Variants in NAV3 observed in about 807,000 individuals in gnomAD.
The protein encoded by NAV3 is pore membrane and/or filament interacting like protein 1.
In NAV3, 87 loss-of-function variants were observed where a neutral mutation model predicts 244.7. The ratio of observed to expected loss-of-function variants is 0.36; its 90% CI spans 0.30 to 0.42. The LOEUF (loss-of-function observed/expected upper bound fraction) is 0.42. Ranked by LOEUF, NAV3 falls within the 20% of genes least tolerant of loss-of-function variation. NAV3 has a pLI of 1.00. For missense variants in NAV3, 2,663 were observed against 2,893.3 expected, an observed-to-expected ratio of 0.92 and a Z score of 1.83; for synonymous variants, 1,126 against 1,042.2, an observed-to-expected ratio of 1.08 and a Z score of -1.55.
At chr12:77,874,688 G>T (rs1206519167) in intron 1 of NAV3, among the ~76,000 whole-genome samples, 1 of 151,988 alleles carries the variant, frequency 6.6e-6, no homozygotes, top group East Asian at 1.9e-4. Context: ...CTCAGAATGG[G>T]TTTATATATT....
At chr12:78,130,238 A>C (rs888345644) in intron 18 of NAV3, 3 of 154,540 alleles carry the variant, frequency 1.9e-5, no homozygotes, top group African/African-American at 7.2e-5. Context: ...CAGGTTTCTA[A>C]CTCCTTAGGG....
chr12:78,057,593 G>C (rs930120303), intron 11 of NAV3, among the ~76,000 whole-genome samples: 12 of 152,170 alleles, frequency 7.9e-5, no homozygotes, highest in African/African-American at 2.7e-4. Flanking sequence ...TATTTTTAAA[G>C]ATAGTATTTA....
upstream of NAV3, among the ~76,000 whole-genome samples, chr12:77,829,846 G>A (rs757166280): frequency 4.6e-5 from 7 of 152,046 alleles, no homozygotes; most frequent in Non-Finnish European, 7.4e-5. Flanking sequence ...GGAAACAGTA[G>A]GCCAAAGATG....
At chr12:77,693,811 T>C (rs957536116) in intron 2 of NAV3, among the ~76,000 whole-genome samples, 2 of 152,132 alleles carry the variant, frequency 1.3e-5, no homozygotes, top group African/African-American at 2.4e-5. Flanking sequence ...CTGCATAACT[T>C]TCTGGACTAC....
intron 1 of NAV3, among the ~76,000 whole-genome samples, chr12:77,893,871 C>T (rs1180503328): frequency 6.6e-6 from 1 of 152,160 alleles, no homozygotes; most frequent in African/African-American, 2.4e-5. Flanking sequence ...TACAAGTGTA[C>T]TACTTATATA....
chr12:78,087,857 A>C (rs1037272686), intron 12 of NAV3, among the ~76,000 whole-genome samples: 1 of 151,976 alleles, frequency 6.6e-6, no homozygotes, highest in Non-Finnish European at 1.5e-5. Flanking sequence ...AAATTATAGC[A>C]GATTAATTTG....
chr12:78,124,090 C>A (rs765212878), intron 16 of NAV3, among the ~76,000 whole-genome samples: 1 of 152,216 alleles, frequency 6.6e-6, no homozygotes, highest in Non-Finnish European at 1.5e-5. Flanking sequence ...CCACAACCAC[C>A]TTCCACAAAA....
rs77049317 is a variant in NAV3 at position 77,735,963 on chromosome 12, C to T, written c.72+163697C>T. Among the ~76,000 whole-genome samples, 980 of 152,324 alleles carry T rather than the reference C, an allele frequency of 6.4e-3. 5 individuals are homozygous for T. The highest frequency in any genetic ancestry group is 0.012 in the Non-Finnish European group (798 of 68,028). Reference sequence around the variant, plus strand: ...TTCTGATGTCTGCATTTCCCCTCTGCTGTCTGAAAACAGGTTCTAAACTGC... The same window carrying T: ...TTCTGATGTCTGCATTTCCCCTCTGTTGTCTGAAAACAGGTTCTAAACTGC... On this transcript the variant is annotated intron_variant, in intron 2 of 8. Coordinates refer to the NAV3 transcript ENST00000550042.
intron 2 of NAV3, among the ~76,000 whole-genome samples, chr12:77,785,429 G>T (rs1315423266): frequency 6.6e-6 from 1 of 152,082 alleles, no homozygotes; most frequent in African/African-American, 2.4e-5. Flanking sequence ...AAAGAGCTTG[G>T]ATGTTAGGCA....
intron 2 of NAV3, among the ~76,000 whole-genome samples, chr12:77,676,410 C>T (rs959671956): frequency 1.3e-5 from 2 of 152,176 alleles, no homozygotes; most frequent in African/African-American, 2.4e-5. Flanking sequence ...CTGTCCTTAG[C>T]ACTGCTGGCA....
At chr12:77,876,243 G>A (rs765038562) in intron 1 of NAV3, among the ~76,000 whole-genome samples, 1 of 151,940 alleles carries the variant, frequency 6.6e-6, no homozygotes, top group Non-Finnish European at 1.5e-5. Flanking sequence ...TATGAACTGG[G>A]CATTCATTGT....
Position 78,119,370 on chromosome 12 carries a change from A to G in NAV3, c.3174A>G (p.Arg1058=). The G allele has an allele frequency of 1.2e-6, 2 of 1,614,202 alleles. No homozygotes were observed. The highest frequency in any genetic ancestry group is 1.7e-6 in the Non-Finnish European group (2 of 1,180,032). Residue 1058 remains arginine (R), a synonymous_variant, in exon 15 of 40, where the codon AGA becomes AGG. Transcript: ENST00000397909. ...AAAAGCCCCCCTCAGGCATTGGAAG[A>G]TCGACTGCCACCAGCTCCTTTGGCT... is the stretch of plus-strand genomic sequence containing the variant. ...EGKKPPSGIG[R]STATSSFGFK...
At chr12:77,837,049 ATGTAT>A (rs1874771674) in intron 1 of NAV3, among the ~76,000 whole-genome samples, 2 of 152,148 alleles carry the variant, frequency 1.3e-5, no homozygotes, top group South Asian at 2.1e-4. Context: ...TGTCATGCAA[ATGTAT>A]TGTATAAATA....
intron 2 of NAV3, among the ~76,000 whole-genome samples, chr12:77,727,774 T>C (rs1876943864): frequency 6.6e-6 from 1 of 151,994 alleles, no homozygotes; most frequent in Non-Finnish European, 1.5e-5. Flanking sequence ...AGAAGATAAG[T>C]AACTTTTCCC....
intron 1 of NAV3, among the ~76,000 whole-genome samples, chr12:77,879,774 AC>A (rs1198833808): frequency 2.0e-5 from 3 of 151,536 alleles, no homozygotes; most frequent in Non-Finnish European, 4.4e-5. Context: ...GTTCACTACC[AC>A]CAAATTAATC....
intron 2 of NAV3, among the ~76,000 whole-genome samples, chr12:77,681,805 G>T (rs1874483046): frequency 6.6e-6 from 1 of 152,038 alleles, no homozygotes; most frequent in African/African-American, 2.4e-5. Flanking sequence ...CTCTCCCAGA[G>T]GAAATTACTC....
chr12:78,027,394 T>C (rs1001213286), intron 9 of NAV3, among the ~76,000 whole-genome samples: 5 of 142,808 alleles, frequency 3.5e-5, no homozygotes, highest in African/African-American at 8.0e-5. Flanking sequence ...GCAGGAGTCA[T>C]GATCATGCCA....
At chr12:78,199,115 T>G (rs1350236111) in intron 36 of NAV3, 1 of 624,782 alleles carries the variant, frequency 1.6e-6, no homozygotes, top group East Asian at 3.2e-5. Flanking sequence ...CACATGAGCT[T>G]CTTTTTAGCT....
chr12:78,044,927 C>G (rs1004588711), intron 9 of NAV3, among the ~76,000 whole-genome samples: 2 of 152,182 alleles, frequency 1.3e-5, no homozygotes, highest in African/African-American at 4.8e-5. Flanking sequence ...TTATTTCTTT[C>G]TCTTGCCTGA....
Sources: allele counts gnomAD v4.1 joint callset (sites outside exome capture counted in the v4.1 genomes callset), GRCh38; gene constraint gnomAD v4.1.1; transcripts MANE v1.5; gene names NCBI Gene and HGNC (gene_info 2026-07-23, HGNC 2026-07-21).